Variants in BAZ2B observed in about 807,000 individuals in gnomAD.
BAZ2B encodes bromodomain adjacent to zinc finger domain 2B.
Under a neutral mutation model 246.0 loss-of-function variants are expected in BAZ2B, and 91 were observed. The observed-to-expected ratio is 0.37, with a 90% CI of 0.31 to 0.44. BAZ2B has a LOEUF of 0.44. BAZ2B is among the 20% of genes least tolerant of loss of function. The pLI, the probability that BAZ2B is intolerant of heterozygous loss-of-function variation, is 1.00. For synonymous variants in BAZ2B, 855 were observed against 860.0 expected, an observed-to-expected ratio of 0.99 and a Z score of 0.10; for missense variants, 2,332 against 2,533.7, an observed-to-expected ratio of 0.92 and a Z score of 1.71.
chr2:159,365,353 A>G (rs2060113959), intron 27 of BAZ2B, among the ~76,000 whole-genome samples: 1 of 152,230 alleles, frequency 6.6e-6, no homozygotes, highest in South Asian at 2.1e-4. Flanking sequence ...ATACTCATAA[A>G]GGTCCCTCCA....
At chr2:159,411,271 A>T (rs1156365062) in intron 14 of BAZ2B, among the ~76,000 whole-genome samples, 1 of 152,038 alleles carries the variant, frequency 6.6e-6, no homozygotes, top group Non-Finnish European at 1.5e-5. Flanking sequence ...CAATCCTCCC[A>T]CCTTGGCATC....
At chr2:159,385,456 AT>A in intron 22 of BAZ2B, 87 bp from the exon 23 acceptor site, 1 of 1,183,798 alleles carries the variant, frequency 8.4e-7, no homozygotes, top group Non-Finnish European at 1.2e-6. Flanking sequence ...ATATTATTTG[AT>A]TTAGATACTA....
At chr2:159,463,312 G>A (rs894917548) in intron 3 of BAZ2B, 77 of 298,294 alleles carry the variant, frequency 2.6e-4, no homozygotes, top group African/African-American at 1.6e-3. Flanking sequence ...ATTCCTTAAC[G>A]TGTCTATTGT....
In BAZ2B at chr2:159,496,989, C is replaced by T. The variant is rs150585456; in HGVS notation, c.-2-18268G>A. On this transcript the variant is annotated intron_variant, in intron 2 of 36. Transcript: ENST00000392783. ...CTACAAATCTCTATGCTGGTTTAGT[C>T]GTTAGAAAATAAAGATAAAATCATA... Among the ~76,000 whole-genome samples the T allele has an allele frequency of 6.7e-3, 1,015 of 151,960 alleles. 8 individuals are homozygous for T. The highest frequency in any genetic ancestry group is 0.023 in the African/African-American group (966 of 41,450).
In BAZ2B at chr2:159,376,869, GAATA is replaced by G. The variant is rs2061463145; in HGVS notation, c.4006-2120_4006-2117del. ...TTCAGACATTAAAAAAACCTTGGAA[GAATA>G]GACAGAAAGGTAGTAGCAGCAACAA... is the stretch of plus-strand genomic sequence containing the variant. On this transcript the variant is annotated intron_variant, in intron 25 of 36. Transcript: ENST00000392783. Among the ~76,000 whole-genome samples, 2 of 152,070 alleles carry G rather than the reference GAATA, an allele frequency of 1.3e-5. 1 individual carries two copies. The highest frequency in any genetic ancestry group is 1.3e-4 in the Admixed American group (2 of 15,266).
intron 1 of BAZ2B, among the ~76,000 whole-genome samples, chr2:159,573,876 G>A (rs1684608059): frequency 6.6e-6 from 1 of 152,194 alleles, no homozygotes; most frequent in African/African-American, 2.4e-5. Flanking sequence ...AAGGTAGGTA[G>A]ATCGCTTGAG....
chr2:159,668,385 T>C, the BAZ2B span, among the ~76,000 whole-genome samples: 2 of 152,164 alleles, frequency 1.3e-5, no homozygotes, highest in Non-Finnish European at 2.9e-5. Flanking sequence ...ATTCTTTCCA[T>C]GTTTCTAATC....
At chr2:159,669,061 A>C in the BAZ2B span, among the ~76,000 whole-genome samples, 1 of 124,672 alleles carries the variant, frequency 8.0e-6, no homozygotes, top group African/African-American at 3.3e-5. Flanking sequence ...CCGTCTCAAA[A>C]AAAAAAGAAA....
At chr2:159,592,075 G>A (rs1017565677) in intron 1 of BAZ2B, among the ~76,000 whole-genome samples, 11 of 151,630 alleles carry the variant, frequency 7.3e-5, no homozygotes, top group African/African-American at 2.4e-4. Context: ...AGTCATGGGT[G>A]CACCACCAAA....
chr2:159,348,125 C>T (rs1274755325), intron 30 of BAZ2B, among the ~76,000 whole-genome samples: 1 of 151,568 alleles, frequency 6.6e-6, no homozygotes, highest in Non-Finnish European at 1.5e-5. Context: ...TCGAGACCAG[C>T]CTGGGCAACA....
chr2:159,315,992 A>C (rs1338867212), downstream of BAZ2B, among the ~76,000 whole-genome samples: 1 of 152,238 alleles, frequency 6.6e-6, no homozygotes, highest in East Asian at 1.9e-4. Flanking sequence ...ATTTAAAAAC[A>C]ATAAGATTTA....
At position 159,395,661 on chromosome 2, in the gene BAZ2B, T is replaced by TA. The variant is rs1189230381; in HGVS notation, c.3075+107dup. 4.0e-6 allele frequency: 4 copies of TA among 999,954 alleles called. No individual in the cohort carries two copies. The African/African-American group carries it at 6.7e-5, about 17-fold the overall frequency. 61.9% of individuals were successfully genotyped at this position (999,954 alleles called of 1,614,324 possible). ...CTTTTGGTTTGCATATGAAAACCAGTAAATCACAACAAACCTATATTCTGA... is the reference window on the plus strand; with the variant it reads ...CTTTTGGTTTGCATATGAAAACCAGTAAAATCACAACAAACCTATATTCTGA... On this transcript the variant is annotated intron_variant, in intron 20 of 36. Transcript: ENST00000392783.
Position 159,526,154 on chromosome 2 carries a change from T to C in BAZ2B, c.-3+29669A>G, listed in dbSNP as rs139944479. ...AAACTAGAGAAAGAAATGTAAAAATTGTATTGTAGAAGTAAAATTTATTGG... is the reference window on the plus strand; with the variant it reads ...AAACTAGAGAAAGAAATGTAAAAATCGTATTGTAGAAGTAAAATTTATTGG... On this transcript the variant is annotated intron_variant, in intron 2 of 36. Coordinates refer to ENST00000392783, the MANE Select transcript of BAZ2B (RefSeq NM_013450.4). Among the ~76,000 whole-genome samples, 1,028 of 152,252 alleles carry C rather than the reference T, an allele frequency of 6.8e-3. 8 individuals are homozygous for C. Among genetic ancestry groups the C allele is most frequent in the African/African-American group, 0.024 (983 of 41,540 alleles).
intron 3 of BAZ2B, 53 bp from the exon 4 acceptor site, chr2:159,453,854 T>G: frequency 7.3e-7 from 1 of 1,364,588 alleles, no homozygotes; most frequent in Non-Finnish European, 9.6e-7. Flanking sequence ...CAGATGAGAC[T>G]TATCTGATTT....
intron 1 of BAZ2B, among the ~76,000 whole-genome samples, chr2:159,565,132 A>G (rs926594709): frequency 6.6e-6 from 1 of 152,134 alleles, no homozygotes; most frequent in African/African-American, 2.4e-5. Context: ...TGGCCTCCCA[A>G]AGTGCTGGGA....
the BAZ2B span, among the ~76,000 whole-genome samples, chr2:159,652,846 A>G: frequency 3.3e-5 from 5 of 152,046 alleles, no homozygotes; most frequent in South Asian, 1.0e-3. Flanking sequence ...TCAAACTCCT[A>G]GGCTCAAGCA....
At chr2:159,554,269 G>A (rs1014715347) in intron 2 of BAZ2B, among the ~76,000 whole-genome samples, 5 of 152,050 alleles carry the variant, frequency 3.3e-5, no homozygotes, top group African/African-American at 1.2e-4. Flanking sequence ...AGCTGTGGGA[G>A]TCAGCATTTT....
intron 6 of BAZ2B, among the ~76,000 whole-genome samples, 160 bp downstream of exon 6, chr2:159,446,622 T>C (rs1367206183): frequency 2.0e-5 from 3 of 152,230 alleles, no homozygotes; most frequent in African/African-American, 4.8e-5. Context: ...TTACTATTTG[T>C]ATTATTTATA....
At chr2:159,573,082 A>C (rs530263242) in intron 1 of BAZ2B, among the ~76,000 whole-genome samples, 4 of 152,276 alleles carry the variant, frequency 2.6e-5, no homozygotes, top group African/African-American at 9.6e-5. Context: ...AAAAAGGACT[A>C]AAAAATTAGG....
Sources: allele counts gnomAD v4.1 joint callset (sites outside exome capture counted in the v4.1 genomes callset), GRCh38; gene constraint gnomAD v4.1.1; transcripts MANE v1.5; gene names NCBI Gene and HGNC (gene_info 2026-07-23, HGNC 2026-07-21).